TF: variants seen among roughly 807,000 people sequenced by gnomAD.
TF encodes serotransferrin.
In TF, 55 loss-of-function variants were observed where a neutral mutation model predicts 82.4. The ratio of observed to expected loss-of-function variants is 0.67; its 90% CI spans 0.54 to 0.84. The LOEUF is 0.84. Among genes scored for constraint, TF ranks in the 40% least tolerant of loss-of-function variants. The pLI is 0.00. For synonymous variants in TF, 332 were observed against 332.6 expected (o/e 1.00, Z 0.02); for missense variants, 737 against 868.4 (o/e 0.85, Z 1.90).
At chr3:133,711,276 T>G in the TF span, among the ~76,000 whole-genome samples, 1 of 152,328 alleles carries the variant, frequency 6.6e-6, no homozygotes, top group South Asian at 2.1e-4. Context: ...AGGTAAATGC[T>G]TTTTATCTAT....
rs1010138296 is a variant in TF, at chr3:133,793,389, C to G, written c.*14769C>G. ...AATCAAATTTCAGCTTCAAAATTGT[C>G]TTTTCTAACCTCTAACTTTGAGATG... On this transcript the variant is annotated 3_prime_UTR_variant, in exon 17 of 17. Coordinates refer to ENST00000402696, the MANE Select transcript of TF (RefSeq NM_001063.4). 6.6e-6 allele frequency: 1 copy of G among 152,052 alleles called. No homozygotes were observed. The highest frequency in any genetic ancestry group is 1.5e-5 in the Non-Finnish European group (1 of 67,968). 9.4% of individuals were successfully genotyped at this position (152,052 alleles called of 1,614,324 possible).
the TF span, among the ~76,000 whole-genome samples, chr3:133,663,009 C>T: frequency 1.3e-5 from 2 of 152,202 alleles, no homozygotes; most frequent in South Asian, 2.1e-4. Flanking sequence ...TCAACCTTCT[C>T]GTAGGTTTAT....
chr3:133,690,187 G>A, the TF span, among the ~76,000 whole-genome samples: 1 of 145,700 alleles, frequency 6.9e-6, no homozygotes, highest in Middle Eastern at 3.5e-3. Flanking sequence ...TTTTTAAAAA[G>A]CCCTAAGCAT....
chr3:133,723,812 C>T, the TF span, among the ~76,000 whole-genome samples: 2 of 151,900 alleles, frequency 1.3e-5, no homozygotes, highest in Admixed American at 6.6e-5. Flanking sequence ...CCCCCTTCCC[C>T]ACCCCACCAC....
At chr3:133,691,016 A>G in the TF span, among the ~76,000 whole-genome samples, 1 of 152,262 alleles carries the variant, frequency 6.6e-6, no homozygotes, top group South Asian at 2.1e-4. Context: ...ATATACATAC[A>G]TATATATGAA....
chr3:133,685,224 G>A, the TF span, among the ~76,000 whole-genome samples: 2 of 152,250 alleles, frequency 1.3e-5, no homozygotes, highest in South Asian at 2.1e-4. Flanking sequence ...AGAGCTATCT[G>A]TGACAAACCC....
the TF span, among the ~76,000 whole-genome samples, chr3:133,682,098 G>A: frequency 1.9e-3 from 285 of 152,316 alleles, 1 homozygote; most frequent in South Asian, 5.8e-3. Flanking sequence ...AGGGTCTGGA[G>A]TGGACCTCCA....
the TF span, among the ~76,000 whole-genome samples, chr3:133,674,687 G>A: frequency 6.6e-6 from 1 of 152,010 alleles, no homozygotes; most frequent in Non-Finnish European, 1.5e-5. Context: ...GGCGCTGCAA[G>A]GTGCTCCGGG....
rs927309869 is a variant in TF at position 133,756,923 on chromosome 3, T to C, written c.784T>C (p.Leu262=). ...GGTAGATGAATACAAGGACTGCCAC[T>C]TGGCCCAGGTCCCTTCTCATACCGT... ...KPVDEYKDCH[L]AQVPSHTVVA... is the part of the protein sequence containing the mutation. The change falls in exon 7 of 17, where the codon TTG becomes CTG. Residue 262 remains leucine (L), a synonymous_variant. Transcript: ENST00000402696. 5.0e-6 allele frequency: 8 copies of C among 1,614,102 alleles called. No individual in the cohort carries two copies. The African/African-American group carries it at 1.1e-4, about 22-fold the overall frequency.
chr3:133,668,688 T>G, the TF span, among the ~76,000 whole-genome samples: 10 of 152,230 alleles, frequency 6.6e-5, no homozygotes, highest in East Asian at 1.5e-3. Flanking sequence ...CTCATGCACA[T>G]TAGGAAACTT....
At position 133,780,520 on chromosome 3, in the gene TF, T is replaced by A. The variant is rs1934494091; in HGVS notation, c.*1900T>A. On this transcript the variant is annotated 3_prime_UTR_variant, in exon 17 of 17. Coordinates refer to ENST00000402696, the MANE Select transcript of TF (RefSeq NM_001063.4). ...ACAAAAGCTAATACATACCTAATGATGAAGAAACAGAAGCATTCCTACTAA... is the reference window on the plus strand; with the variant it reads ...ACAAAAGCTAATACATACCTAATGAAGAAGAAACAGAAGCATTCCTACTAA... 1 of 152,104 alleles carries A rather than the reference T, an allele frequency of 6.6e-6. No individual in the cohort carries two copies. The highest frequency in any genetic ancestry group is 2.4e-5 in the African/African-American group (1 of 41,406). 9.4% of individuals were successfully genotyped at this position (152,104 alleles called of 1,614,324 possible).
intron 14 of TF, chr3:133,775,220 AT>A: frequency 1.6e-6 from 1 of 611,408 alleles, no homozygotes; most frequent in Non-Finnish European, 2.9e-6. Flanking sequence ...TTGGAAGGGG[AT>A]GGTCAATAAT....
chr3:133,714,705 T>C, the TF span, among the ~76,000 whole-genome samples: 1 of 152,154 alleles, frequency 6.6e-6, no homozygotes, highest in African/African-American at 2.4e-5. Flanking sequence ...GTTTTTTTGA[T>C]GGAGTCTTGC....
At chr3:133,713,685 G>C in the TF span, among the ~76,000 whole-genome samples, 2 of 152,202 alleles carry the variant, frequency 1.3e-5, no homozygotes, top group Non-Finnish European at 2.9e-5. Context: ...AAGATTTATG[G>C]TGGGAGCTGC....
the TF span, among the ~76,000 whole-genome samples, chr3:133,664,547 C>T: frequency 9.1e-4 from 138 of 152,164 alleles, no homozygotes; most frequent in African/African-American, 3.2e-3. Flanking sequence ...GTCTTTAACT[C>T]CTGACCTCGT....
rs1046968936 is a variant in TF at position 133,787,823 on chromosome 3, T to C, written c.*9203T>C. On this transcript the variant is annotated 3_prime_UTR_variant, in exon 17 of 17. Transcript: ENST00000402696. ...TCCTAATTTTAAAATATCCACTCTC[T>C]AGATACTAAAGAGGTTGCCAATGTA... 2.6e-5 allele frequency: 4 copies of C among 152,256 alleles called. No individual in the cohort carries two copies. The highest frequency in any genetic ancestry group is 2.6e-4 in the Admixed American group (4 of 15,280). The allele number at this position is 152,256 out of a possible 1,614,324, so 9.4% of individuals were successfully genotyped here.
chr3:133,743,696 T>C (rs1051173311), upstream of TF, among the ~76,000 whole-genome samples: 6 of 152,216 alleles, frequency 3.9e-5, no homozygotes, highest in Non-Finnish European at 7.3e-5. Context: ...TCAGCCATCA[T>C]TAAGCTATTA....
chr3:133,662,875 T>C, the TF span, among the ~76,000 whole-genome samples: 1 of 152,202 alleles, frequency 6.6e-6, no homozygotes, highest in East Asian at 1.9e-4. Context: ...CCCTTGATTG[T>C]TTTTGTTTTT....
chr3:133,728,312 T>C, the TF span, among the ~76,000 whole-genome samples: 2 of 152,242 alleles, frequency 1.3e-5, no homozygotes, highest in East Asian at 1.9e-4. Flanking sequence ...AGATTTGGTC[T>C]GTTCACATAG....
Sources: gnomAD v4.1 joint callset for allele counts (sites outside exome capture counted in the v4.1 genomes callset) on GRCh38, gnomAD v4.1.1 for gene constraint, MANE v1.5 for transcripts, NCBI Gene and HGNC (gene_info 2026-07-23, HGNC 2026-07-21) for gene names.